The following PBX3 variants were observed in gnomAD, a reference collection of about 807,000 sequenced individuals.
The protein encoded by PBX3 is pre-B-cell leukemia transcription factor 3.
Under a neutral mutation model 48.5 loss-of-function variants are expected in PBX3, and 14 were observed. The observed-to-expected ratio is 0.29, with a 90% CI of 0.19 to 0.45. PBX3 has a LOEUF of 0.45. Ranked by LOEUF, PBX3 falls within the 20% of genes least tolerant of loss-of-function variation. The probability of loss-of-function intolerance (pLI) is 1.00; values close to 1 mark genes in which losing one functional copy is unlikely to be tolerated. For missense variants in PBX3, 386 were observed against 546.7 expected (o/e 0.71, Z 2.93); for synonymous variants, 210 against 200.3 (o/e 1.05, Z -0.41).
intron 8 of PBX3, 21 bp downstream of exon 8, chr9:125,963,122 G>T: frequency 7.4e-7 from 1 of 1,350,634 alleles, no homozygotes; most frequent in South Asian, 1.3e-5. Context: ...TGGGGAGTCA[G>T]CTGTAGGAGA....
At chr9:125,852,894 T>C (rs1354201599) in intron 2 of PBX3, among the ~76,000 whole-genome samples, 4 of 152,188 alleles carry the variant, frequency 2.6e-5, no homozygotes, top group Non-Finnish European at 5.9e-5. Flanking sequence ...TTTTTTGTTG[T>C]TAATTAGCAT....
chr9:125,953,478 A>AC (rs1016489536), intron 5 of PBX3, among the ~76,000 whole-genome samples: 2 of 149,766 alleles, frequency 1.3e-5, no homozygotes, highest in Non-Finnish European at 3.0e-5. Context: ...CCCTGTCTCA[A>AC]AAAAAAAAAA....
At chr9:125,868,476 G>A (rs933358385) in intron 2 of PBX3, among the ~76,000 whole-genome samples, 1 of 152,188 alleles carries the variant, frequency 6.6e-6, no homozygotes, top group African/African-American at 2.4e-5. Flanking sequence ...CTGAGCCAGC[G>A]TAGTGAAGTA....
chr9:125,777,537 G>A (rs1192173710), intron 2 of PBX3, among the ~76,000 whole-genome samples: 1 of 142,170 alleles, frequency 7.0e-6, no homozygotes, highest in South Asian at 2.2e-4. Context: ...TTTTTTTTTT[G>A]TATTTTAGTA....
At chr9:125,819,519 C>G (rs56186274) in intron 2 of PBX3, among the ~76,000 whole-genome samples, 16,360 of 151,610 alleles carry the variant, frequency 0.11, 1,110 homozygotes, top group South Asian at 0.17. Flanking sequence ...GAGTGAAACT[C>G]CATCTCAAAA....
chr9:125,754,956 T>C (rs147829862), intron 2 of PBX3, among the ~76,000 whole-genome samples: 37 of 152,246 alleles, frequency 2.4e-4, no homozygotes, highest in African/African-American at 8.4e-4. Context: ...TTAAGCTGTT[T>C]AGACAATAAC....
At chr9:125,822,132 G>T (rs1417758200) in intron 2 of PBX3, among the ~76,000 whole-genome samples, 1 of 152,048 alleles carries the variant, frequency 6.6e-6, no homozygotes, top group Non-Finnish European at 1.5e-5. Flanking sequence ...GTGCTATGAA[G>T]AATTATGTAA....
In PBX3 at chr9:125,785,896, T is replaced by C. The variant is rs117389237; in HGVS notation, c.274+37273T>C. Reference sequence around the variant, plus strand: ...GGTTGGGAGATGATACAAGGGAAAGTAAAAATGTCACAAGACTCTCATTTT... The same window carrying C: ...GGTTGGGAGATGATACAAGGGAAAGCAAAAATGTCACAAGACTCTCATTTT... On this transcript the variant is annotated intron_variant, in intron 2 of 8. Transcript: ENST00000373489. Among the ~76,000 whole-genome samples, 968 of 151,626 alleles carry C rather than the reference T, an allele frequency of 6.4e-3. 20 individuals are homozygous for C. The highest frequency in any genetic ancestry group is 0.059 in the East Asian group (302 of 5,160).
At chr9:125,840,817 A>G (rs1235161452) in intron 2 of PBX3, among the ~76,000 whole-genome samples, 3 of 152,056 alleles carry the variant, frequency 2.0e-5, no homozygotes, top group Non-Finnish European at 4.4e-5. Flanking sequence ...TTCTAACTGA[A>G]TTGCTCAGAA....
At chr9:125,761,775 C>T (rs1836674578) in intron 2 of PBX3, among the ~76,000 whole-genome samples, 2 of 152,098 alleles carry the variant, frequency 1.3e-5, no homozygotes, top group Admixed American at 1.3e-4. Context: ...TTAACTGTCC[C>T]AGTATTGATC....
chr9:125,942,320 G>T (rs1841973932), intron 5 of PBX3, among the ~76,000 whole-genome samples: 1 of 152,178 alleles, frequency 6.6e-6, no homozygotes, highest in African/African-American at 2.4e-5. Flanking sequence ...GGTTTGTGAG[G>T]CACGGACCTT....
At chr9:125,849,919 G>A (rs959112601) in intron 2 of PBX3, among the ~76,000 whole-genome samples, 5 of 151,908 alleles carry the variant, frequency 3.3e-5, no homozygotes, top group Non-Finnish European at 7.4e-5. Flanking sequence ...CTGTTAATAT[G>A]CCAGCAAACC....
chr9:125,874,427 A>G (rs1288799494), intron 2 of PBX3, among the ~76,000 whole-genome samples: 1 of 152,132 alleles, frequency 6.6e-6, no homozygotes, highest in Non-Finnish European at 1.5e-5. Flanking sequence ...AGATGGAAAA[A>G]CTCAAAACAA....
intron 2 of PBX3, among the ~76,000 whole-genome samples, chr9:125,863,090 G>T (rs1263634499): frequency 2.0e-5 from 3 of 151,880 alleles, no homozygotes; most frequent in Admixed American, 6.6e-5. Context: ...TAGAGATGAG[G>T]TCTTGCTTTG....
intron 2 of PBX3, among the ~76,000 whole-genome samples, chr9:125,901,108 G>A (rs186036174): frequency 1.8e-4 from 27 of 151,698 alleles, no homozygotes; most frequent in African/African-American, 5.1e-4. Flanking sequence ...ATTTAATTTA[G>A]CACCCTTTTT....
At chr9:125,803,143 G>T (rs1289847701) in intron 2 of PBX3, among the ~76,000 whole-genome samples, 2 of 145,370 alleles carry the variant, frequency 1.4e-5, no homozygotes, top group Non-Finnish European at 3.0e-5. Context: ...GCCCAGGCTG[G>T]AGTGCAGTGG....
At chr9:125,868,764 C>T (rs558253338) in intron 2 of PBX3, among the ~76,000 whole-genome samples, 4 of 152,260 alleles carry the variant, frequency 2.6e-5, no homozygotes, top group African/African-American at 7.2e-5. Flanking sequence ...TAATGGAAAT[C>T]GTATTTTCCT....
At chr9:125,767,957 AGGCTGGC>A (rs1259879472) in intron 2 of PBX3, among the ~76,000 whole-genome samples, 2 of 151,720 alleles carry the variant, frequency 1.3e-5, no homozygotes, top group South Asian at 4.1e-4. Context: ...CTAGAGAAAA[AGGCTGGC>A]GGCCGGTGGG....
At chr9:125,905,527 A>G (rs1191625012) in intron 2 of PBX3, among the ~76,000 whole-genome samples, 2 of 152,008 alleles carry the variant, frequency 1.3e-5, no homozygotes, top group African/African-American at 2.4e-5. Context: ...ATGTTTGTGA[A>G]AAATGTCTTT....
Sources: gnomAD v4.1 joint callset for allele counts (sites outside exome capture counted in the v4.1 genomes callset) on GRCh38, gnomAD v4.1.1 for gene constraint, MANE v1.5 for transcripts, NCBI Gene and HGNC (gene_info 2026-07-23, HGNC 2026-07-21) for gene names.